TARBP1: variants seen among roughly 807,000 people sequenced by gnomAD.
The protein encoded by TARBP1 is tRNA (guanosine(18)-2'-O)-methyltransferase TARBP1.
In TARBP1, 144 loss-of-function variants were observed where a neutral mutation model predicts 178.6. That is an observed-to-expected ratio of 0.81 (90% CI 0.70 to 0.93). The LOEUF is 0.93. Among genes scored for constraint, TARBP1 ranks in the 40% least tolerant of loss-of-function variants. TARBP1 has a pLI of 0.00. For missense variants in TARBP1, 2,067 were observed against 2,011.7 expected, an observed-to-expected ratio of 1.03 and a Z score of -0.53; for synonymous variants, 787 against 781.0, an observed-to-expected ratio of 1.01 and a Z score of -0.13.
intron 26 of TARBP1, 23 bp downstream of exon 26, chr1:234,398,359 A>T: frequency 6.4e-7 from 1 of 1,555,594 alleles, no homozygotes. Flanking sequence ...AGGGGAAAAA[A>T]TAAAATGAAA....
chr1:234,478,545 C>A lies in TARBP1; in HGVS notation c.559G>T (p.Ala187Ser). ...DGDEAGPAED[A>S]AALVAGRLLP... ...AGTCGCCCGGCCACCAGCGCCGCCG[C>A]GTCCTCGGCAGGCCCGGCCTCATCC... Residue 187 changes from alanine (A) to serine (S), a missense_variant, in exon 1 of 30, where the codon GCG (alanine) becomes TCG (serine). Coordinates refer to ENST00000040877, the MANE Select transcript of TARBP1 (RefSeq NM_005646.4). The A allele has an allele frequency of 7.4e-7, 1 of 1,356,962 alleles. No homozygotes were observed. The highest frequency in any genetic ancestry group is 9.5e-7 in the Non-Finnish European group (1 of 1,052,396). 84.1% of individuals were successfully genotyped at this position (1,356,962 alleles called of 1,614,324 possible).
rs1372670177 is a variant in TARBP1, at chr1:234,437,894, C to G, written c.2135-522G>C. Among the ~76,000 whole-genome samples, 3 of 152,180 alleles carry G rather than the reference C, an allele frequency of 2.0e-5. No individual in the cohort carries two copies. The South Asian group carries it at 6.2e-4, about 31-fold the overall frequency. ...AGGGAGGGATGCAGGAAAGTGGCCT[C>G]GGAAAGCTGTTTATGAACTCCTGGG... On this transcript the variant is annotated intron_variant, in intron 12 of 29. Transcript: ENST00000040877.
intron 3 of TARBP1, among the ~76,000 whole-genome samples, chr1:234,469,014 C>A (rs1473689167): frequency 2.0e-5 from 3 of 146,734 alleles, no homozygotes; most frequent in African/African-American, 7.5e-5. Context: ...CACCATTTTA[C>A]CCCCAATAAT....
At position 234,391,475 on chromosome 1, in the gene TARBP1, A is replaced by T; in HGVS notation, c.*102T>A. The T allele has an allele frequency of 7.7e-7, 1 of 1,306,076 alleles. No homozygotes were observed. Among genetic ancestry groups the T allele is most frequent in the Non-Finnish European group, 1.0e-6 (1 of 982,532 alleles). 80.9% of individuals were successfully genotyped at this position (1,306,076 alleles called of 1,614,324 possible). ...TGGCATTAAATTGCAAGAAAAAAGA[A>T]ATACAAATTATCACAATAAATTTCA... is the stretch of plus-strand genomic sequence containing the variant. On this transcript the variant is annotated 3_prime_UTR_variant, in exon 30 of 30. Transcript: ENST00000040877.
In TARBP1 at chr1:234,451,766, A is replaced by AAAACAAAAAAAC. The variant is rs57636903; in HGVS notation, c.1723-1201_1723-1200insGTTTTTTTGTTT. Among the ~76,000 whole-genome samples, 13 of 17,176 alleles carry AAAACAAAAAAAC rather than the reference A, an allele frequency of 7.6e-4. 5 individuals carry two copies. The highest frequency in any genetic ancestry group is 0.083 in the Middle Eastern group (1 of 12). 11.3% of individuals were successfully genotyped at this position (17,176 alleles called of 152,430 possible). On this transcript the variant is annotated intron_variant, in intron 9 of 29. Transcript: ENST00000040877. Reference sequence around the variant, plus strand: ...TCCGTCTCAAAAAAAAAAAAAAAAAATGATGAATGACTGGATCATCGAAGT... The same window carrying AAAACAAAAAAAC: ...TCCGTCTCAAAAAAAAAAAAAAAAAAAAACAAAAAAACTGATGAATGACTGGATCATCGAAGT...
intron 26 of TARBP1, among the ~76,000 whole-genome samples, chr1:234,395,045 G>T (rs1246989206): frequency 6.6e-6 from 1 of 151,806 alleles, no homozygotes; most frequent in Non-Finnish European, 1.5e-5. Context: ...CCAACATAGC[G>T]AAACCCCATC....
chr1:234,478,257 G>A lies in TARBP1; in HGVS notation c.847C>T (p.Arg283Ter), dbSNP rs371907385. ...LGQADALTRK[R>*]ARYLLQRAVE... ...GCCCTCTGCAGCAGGTAGCGCGCTC[G>A]CTTGCGCGTCAGGGCGTCCGCCTGG... Residue 283 changes from arginine to a stop codon, truncating the protein, a stop_gained, in exon 1 of 30, where the codon CGA becomes TGA. Coordinates refer to ENST00000040877, the MANE Select transcript of TARBP1 (RefSeq NM_005646.4). LOFTEE classifies it high-confidence loss of function. The A allele has an allele frequency of 5.6e-6, 9 of 1,606,638 alleles. No individual in the cohort carries two copies. The African/African-American group carries it at 1.2e-4, about 21-fold the overall frequency.
chr1:234,469,153 T>C (rs190234134), intron 3 of TARBP1, among the ~76,000 whole-genome samples: 3,874 of 146,790 alleles, frequency 0.026, 75 homozygotes, highest in South Asian at 0.079. Context: ...TAAGTAAATA[T>C]TTATTCAGTA....
At chr1:234,426,086 G>T (rs912218282) in intron 19 of TARBP1, among the ~76,000 whole-genome samples, 2 of 152,164 alleles carry the variant, frequency 1.3e-5, no homozygotes, top group Non-Finnish European at 2.9e-5. Flanking sequence ...CCTTATTTGT[G>T]GACAAAACAG....
chr1:234,439,438 A>G (rs1238373480), intron 12 of TARBP1, among the ~76,000 whole-genome samples: 1 of 152,218 alleles, frequency 6.6e-6, no homozygotes, highest in Non-Finnish European at 1.5e-5. Flanking sequence ...TATGTACTGC[A>G]ATCCTAAGGC....
chr1:234,465,103 G>GA lies in TARBP1; in HGVS notation c.1301+552_1301+553insT, dbSNP rs56758841. 9.9e-4 allele frequency among the ~76,000 whole-genome samples: 150 copies of GA among 151,090 alleles called. No individual in the cohort carries two copies. In the Middle Eastern group the frequency reaches 0.02, roughly 21 times the overall value. ...GGATGGATGGATGGATGGATGGATG[G>GA]CGGACAGACAGGCACTCAAACAGAT... On this transcript the variant is annotated intron_variant, in intron 5 of 29. Transcript: ENST00000040877.
In TARBP1 at chr1:234,431,691, C is replaced by T. The variant is rs570800520; in HGVS notation, c.2395-1390G>A. Among the ~76,000 whole-genome samples, 151 of 152,334 alleles carry T rather than the reference C, an allele frequency of 9.9e-4. 2 individuals carry two copies. The highest frequency in any genetic ancestry group is 3.4e-3 in the African/African-American group (143 of 41,580). On this transcript the variant is annotated intron_variant, in intron 14 of 29. Coordinates refer to ENST00000040877, the MANE Select transcript of TARBP1 (RefSeq NM_005646.4). ...GAGCTTTCTTTAATTCCCACATCAA[C>T]TCTATAATCCCCATTTTGCAGGTGC...
Position 234,393,708 on chromosome 1 carries a change from C to T in TARBP1, c.4373G>A (p.Gly1458Glu). 1 of 1,613,952 alleles carries T rather than the reference C, an allele frequency of 6.2e-7. No homozygotes were observed. The highest frequency in any genetic ancestry group is 8.5e-7 in the Non-Finnish European group (1 of 1,179,986). Reference sequence around the variant, plus strand: ...AACGATGAGTCTACTAATTGACTTTCCAAGTCTGGCAGCACGATCCTGAAA... The same window carrying T: ...AACGATGAGTCTACTAATTGACTTTTCAAGTCTGGCAGCACGATCCTGAAA... Reference protein sequence around the residue: ...LLFQDRAARLGKSISRLIVVA... With the variant: ...LLFQDRAARLEKSISRLIVVA... The change falls in exon 27 of 30, where the codon GGA (glycine) becomes GAA (glutamate). Residue 1458 changes from glycine to glutamate, a missense_variant. Gly to Glu is a moderately conservative substitution (Grantham distance 98, BLOSUM62 -2). Coordinates refer to ENST00000040877, the MANE Select transcript of TARBP1 (RefSeq NM_005646.4).
At chr1:234,463,726 C>A in intron 6 of TARBP1, 111 bp downstream of exon 6, 1 of 549,446 alleles carries the variant, frequency 1.8e-6, no homozygotes, top group South Asian at 3.9e-5. Flanking sequence ...AAAAGGAAAC[C>A]ATTTTGAAAA....
intron 4 of TARBP1, 82 bp from the exon 5 acceptor site, chr1:234,465,790 T>G: frequency 7.7e-7 from 1 of 1,304,646 alleles, no homozygotes. Context: ...TGATTGAACA[T>G]CCTACACAGG....
At chr1:234,409,130 C>A (rs1201984972) in intron 23 of TARBP1, among the ~76,000 whole-genome samples, 1 of 151,822 alleles carries the variant, frequency 6.6e-6, no homozygotes, top group Non-Finnish European at 1.5e-5. Context: ...TCAACTTGGC[C>A]TTTTCTTAGG....
At chr1:234,427,796 CTTGA>C (rs753221393) in intron 17 of TARBP1, 30 bp from the exon 18 acceptor site, 2 of 1,384,590 alleles carry the variant, frequency 1.4e-6, no homozygotes, top group South Asian at 2.0e-5. Context: ...TCATTTTATC[CTTGA>C]TTTAGTTTTT....
intron 1 of TARBP1, among the ~76,000 whole-genome samples, chr1:234,474,222 C>T (rs1055063148): frequency 2.7e-5 from 4 of 146,908 alleles, no homozygotes; most frequent in African/African-American, 1.0e-4. Context: ...CTAGCCTGGG[C>T]AAGAGCGAGG....
At position 234,472,776 on chromosome 1, in the gene TARBP1, CT is replaced by C; in HGVS notation, c.966del (p.Asp323MetfsTer4). On this transcript the variant is annotated frameshift_variant, in exon 2 of 30. Transcript: ENST00000040877. LOFTEE classifies it high-confidence loss of function. ...PSLFWWSERK[K>X]DELLKFWENY... ...TTTTCCCAAAACTTTAGAAGCTCATCTTTTTTCCTCTCAGACCACCAAAACA... is the reference window on the plus strand; with the variant it reads ...TTTTCCCAAAACTTTAGAAGCTCATCTTTTTCCTCTCAGACCACCAAAACA... 2 of 1,603,920 alleles carry C rather than the reference CT, an allele frequency of 1.2e-6. No individual in the cohort carries two copies. The highest frequency in any genetic ancestry group is 1.3e-5 in the African/African-American group (1 of 74,212).
Sources: allele counts gnomAD v4.1 joint callset (sites outside exome capture counted in the v4.1 genomes callset), GRCh38; gene constraint gnomAD v4.1.1; transcripts MANE v1.5; gene names NCBI Gene and HGNC (gene_info 2026-07-23, HGNC 2026-07-21).